The following ACYP1 variants were observed in gnomAD, a reference collection of about 807,000 sequenced individuals.
ACYP1 encodes the protein acylphosphatase-1.
A neutral mutation model predicts 10.4 loss-of-function variants in ACYP1; 8 were observed. The observed-to-expected ratio is 0.77, with a 90% CI of 0.45 to 1.38. The LOEUF (loss-of-function observed/expected upper bound fraction) is 1.38. ACYP1 is among the 40% of genes most tolerant of loss of function. The pLI, the probability that ACYP1 is intolerant of heterozygous loss-of-function variation, is 0.00. For missense variants in ACYP1, 93 were observed against 117.3 expected, an observed-to-expected ratio of 0.79 and a Z score of 0.96; for synonymous variants, 38 against 40.8, an observed-to-expected ratio of 0.93 and a Z score of 0.26.
chr14:75,062,794 G>T (rs1326445079), intron 2 of ACYP1, among the ~76,000 whole-genome samples: 1 of 152,088 alleles, frequency 6.6e-6, no homozygotes, highest in East Asian at 1.9e-4. Flanking sequence ...GTGTGTGCCT[G>T]TTGAGGGAAG....
At chr14:75,061,297 A>C (rs1893010114) in intron 2 of ACYP1, among the ~76,000 whole-genome samples, 1 of 152,182 alleles carries the variant, frequency 6.6e-6, no homozygotes, top group South Asian at 2.1e-4. Context: ...GTTTTATGGG[A>C]TGTAAATTAT....
At chr14:75,060,375 A>T (rs1892987017) in intron 2 of ACYP1, 1 of 548,250 alleles carries the variant, frequency 1.8e-6, no homozygotes, top group Non-Finnish European at 3.2e-6. Context: ...GAATTCTCAC[A>T]CATTGCCAGT....
chr14:75,060,148 G>A lies in ACYP1; in HGVS notation c.84+3322C>T. 3 of 598,834 alleles carry A rather than the reference G, an allele frequency of 5.0e-6. No homozygotes were observed. In the South Asian group the frequency reaches 6.3e-5, roughly 13 times the overall value. 37.1% of individuals were successfully genotyped at this position (598,834 alleles called of 1,614,324 possible). On this transcript the variant is annotated intron_variant, in intron 2 of 2. Transcript: ENST00000238618. ...ATTTTAGAAGTAAGTGTGCTATATGGTTTCCAAATATTTTGGGATTTTCCA... is the reference window on the plus strand; with the variant it reads ...ATTTTAGAAGTAAGTGTGCTATATGATTTCCAAATATTTTGGGATTTTCCA...
At chr14:75,059,771 C>A (rs1044095274) in intron 2 of ACYP1, 3 of 152,514 alleles carry the variant, frequency 2.0e-5, no homozygotes, top group Admixed American at 2.0e-4. Flanking sequence ...GATATTATTC[C>A]GTCTTACAAA....
At chr14:75,062,269 GA>G (rs748467575) in intron 2 of ACYP1, among the ~76,000 whole-genome samples, 1,129 of 110,554 alleles carry the variant, frequency 0.01, 12 homozygotes, top group African/African-American at 0.03. Flanking sequence ...TGTTAAAAGA[GA>G]AAAAAAAAAA....
upstream of ACYP1, among the ~76,000 whole-genome samples, chr14:75,067,683 G>A (rs999175636): frequency 6.6e-6 from 1 of 152,114 alleles, no homozygotes. Flanking sequence ...TTTATGGAGA[G>A]GTATAACTTG....
chr14:75,060,660 G>A (rs1306206626), intron 2 of ACYP1, among the ~76,000 whole-genome samples: 1 of 152,116 alleles, frequency 6.6e-6, no homozygotes, highest in Non-Finnish European at 1.5e-5. Flanking sequence ...CCATAAAAAG[G>A]AATAGGATAC....
upstream of ACYP1, among the ~76,000 whole-genome samples, chr14:75,067,438 G>A (rs12432005): frequency 4.7e-3 from 712 of 152,324 alleles, 6 homozygotes; most frequent in South Asian, 0.033. Flanking sequence ...TCTTTGGAAA[G>A]TCACTGGTAG....
intron 1 of ACYP1, 73 bp downstream of exon 1, chr14:75,063,881 A>C (rs1893093123): frequency 1.0e-5 from 10 of 997,656 alleles, no homozygotes; most frequent in Admixed American, 4.8e-5. Flanking sequence ...ACTAACTCCC[A>C]GAATCCCCTG....
chr14:75,062,508 A>C (rs1893048941), intron 2 of ACYP1, among the ~76,000 whole-genome samples: 1 of 151,886 alleles, frequency 6.6e-6, no homozygotes, highest in Admixed American at 6.6e-5. Context: ...CCCAGGAATG[A>C]GACACTTAAG....
At chr14:75,068,873 C>T (rs537139436), upstream of ACYP1, among the ~76,000 whole-genome samples, 1 of 152,292 alleles carries the variant, frequency 6.6e-6, no homozygotes, top group Admixed American at 6.5e-5. Context: ...AGCGAACTGC[C>T]TGTTCCAAAC....
chr14:75,069,316 A>G lies in ACYP1; in HGVS notation c.-25T>C. 2.8e-6 allele frequency: 4 copies of G among 1,419,444 alleles called. No individual in the cohort carries two copies. In the South Asian group the frequency reaches 6.0e-5, roughly 21 times the overall value. 87.9% of individuals were successfully genotyped at this position (1,419,444 alleles called of 1,614,324 possible). A position where few individuals can be genotyped will look rare whatever the true frequency, so the allele number is the denominator to read the frequency against. On this transcript the variant is annotated 5_prime_UTR_variant, in exon 1 of 3. Transcript: ENST00000555463. ...TCCTGCGGCGGAAGCACGCGGAGGC[A>G]CAGCCAGGGCCTCCGCCCTTTGCCA...
At chr14:75,065,344 C>A (rs1893124969), upstream of ACYP1, among the ~76,000 whole-genome samples, 1 of 152,208 alleles carries the variant, frequency 6.6e-6, no homozygotes, top group Admixed American at 6.5e-5. Context: ...ATTCATCATT[C>A]TGCTAGTTCC....
chr14:75,064,968 T>G (rs1893118348), upstream of ACYP1, among the ~76,000 whole-genome samples: 1 of 152,140 alleles, frequency 6.6e-6, no homozygotes, highest in Non-Finnish European at 1.5e-5. Flanking sequence ...AAATAATGCT[T>G]GAACAAATAA....
At chr14:75,068,705 G>A (rs1265033863), upstream of ACYP1, among the ~76,000 whole-genome samples, 3 of 150,022 alleles carry the variant, frequency 2.0e-5, no homozygotes, top group South Asian at 2.1e-4. Context: ...GGATGAAAAC[G>A]AGGAATTAAA....
At chr14:75,069,216 C>T in exon 1 of ACYP1, 1 of 1,514,548 alleles carries the variant, frequency 6.6e-7, no homozygotes, top group East Asian at 2.7e-5. Context: ...ATACCTGGGG[C>T]CCGCCCAGCG....
chr14:75,063,099 A>T (rs566538983), intron 2 of ACYP1: 11 of 234,162 alleles, frequency 4.7e-5, no homozygotes, highest in African/African-American at 2.4e-4. Flanking sequence ...TATATACATG[A>T]CATCAGGTCA....
rs770501372 is a variant in ACYP1 at position 75,053,500 on chromosome 14, T to G, written c.244A>C (p.Asn82His). 2 of 1,614,240 alleles carry G rather than the reference T, an allele frequency of 1.2e-6. No individual in the cohort carries two copies. The highest frequency in any genetic ancestry group is 8.5e-7 in the Non-Finnish European group (1 of 1,180,040). ...PKSHIDKANF[N>H]NEKVILKLDY... ...AACTTCAAGATGACTTTTTCATTGT[T>G]GAAGTTTGCTTTGTCGATGTGTGAT... Residue 82 changes from asparagine (N) to histidine (H), a missense_variant, in exon 3 of 3, where the codon AAC (asparagine) becomes CAC (histidine). Transcript: ENST00000238618.
At chr14:75,054,629 G>GTT (rs1417485874) in intron 2 of ACYP1, among the ~76,000 whole-genome samples, 1 of 151,590 alleles carries the variant, frequency 6.6e-6, no homozygotes, top group African/African-American at 2.4e-5. Flanking sequence ...AATTGCTGGA[G>GTT]TTGGCCAAAG....
Sources: gnomAD v4.1 joint callset for allele counts (sites outside exome capture counted in the v4.1 genomes callset) on GRCh38, gnomAD v4.1.1 for gene constraint, MANE v1.5 for transcripts, NCBI Gene and HGNC (gene_info 2026-07-23, HGNC 2026-07-21) for gene names.